The following FDX1 variants were observed in gnomAD, a reference collection of about 807,000 sequenced individuals.
FDX1 encodes the protein ferredoxin 1, also known as adrenodoxin, mitochondrial.
A neutral mutation model predicts 14.9 loss-of-function variants in FDX1; 9 were observed. The observed-to-expected ratio is 0.60, with a 90% confidence interval of 0.36 to 1.05. FDX1 has a LOEUF of 1.05. Among genes scored for constraint, FDX1 ranks in the 50% least tolerant of loss-of-function variants. FDX1 has a pLI of 0.01. For synonymous variants in FDX1, 92 were observed against 99.4 expected, an observed-to-expected ratio of 0.93 and a Z score of 0.44; for missense variants, 204 against 237.2, an observed-to-expected ratio of 0.86 and a Z score of 0.92.
intron 2 of FDX1, among the ~76,000 whole-genome samples, chr11:110,447,329 C>T (rs183619335): frequency 0.02 from 2,914 of 146,826 alleles, 41 homozygotes; most frequent in Non-Finnish European, 0.028. Flanking sequence ...TGGTGCATGC[C>T]TGTAATCCCA....
intron 3 of FDX1, among the ~76,000 whole-genome samples, chr11:110,461,496 TAAAAAAAAAA>T (rs59467093): frequency 9.4e-6 from 1 of 106,372 alleles, no homozygotes; most frequent in Non-Finnish European, 1.9e-5. Flanking sequence ...GACCCTGTCT[TAAAAAAAAAA>T]AAAAAAAAAA....
intron 1 of FDX1, among the ~76,000 whole-genome samples, chr11:110,431,730 T>C (rs920304634): frequency 6.6e-6 from 1 of 152,232 alleles, no homozygotes; most frequent in African/African-American, 2.4e-5. Flanking sequence ...TTGGGAGTTA[T>C]CTTTCTCAGA....
intron 2 of FDX1, among the ~76,000 whole-genome samples, chr11:110,442,980 G>C (rs1040348804): frequency 6.6e-6 from 1 of 152,226 alleles, no homozygotes; most frequent in Middle Eastern, 3.4e-3. Flanking sequence ...AAGGGGAGGG[G>C]GGTTCCCTGC....
intron 2 of FDX1, among the ~76,000 whole-genome samples, chr11:110,455,183 T>C (rs1384477758): frequency 6.6e-6 from 1 of 152,106 alleles, no homozygotes; most frequent in African/African-American, 2.4e-5. Flanking sequence ...GTTTTTGTAT[T>C]TTTAGTAGAG....
Position 110,430,324 on chromosome 11 carries a change from G to T in FDX1, c.185+19G>T. 1 of 1,186,602 alleles carries T rather than the reference G, an allele frequency of 8.4e-7. No homozygotes were observed. Among genetic ancestry groups the T allele is most frequent in the South Asian group, 4.2e-5 (1 of 23,930 alleles). 73.5% of individuals were successfully genotyped at this position (1,186,602 alleles called of 1,614,324 possible). A position where few individuals can be genotyped will look rare whatever the true frequency, so the allele number is the denominator to read the frequency against. The stretch of plus-strand genomic sequence containing the variant: ...GGAGCAGGTAGGGCGCCGTGCGGGC[G>T]CGATCGCCGGCGCGGGCCGGGGTCC... On this transcript the variant is annotated intron_variant, in intron 1 of 3. Coordinates refer to ENST00000260270, the MANE Select transcript of FDX1 (RefSeq NM_004109.5).
At chr11:110,455,860 G>A (rs1946518247) in intron 2 of FDX1, among the ~76,000 whole-genome samples, 1 of 152,166 alleles carries the variant, frequency 6.6e-6, no homozygotes, top group South Asian at 2.1e-4. Flanking sequence ...ACTTTAGCTT[G>A]GTAGAAGCCA....
intron 2 of FDX1, among the ~76,000 whole-genome samples, chr11:110,449,642 T>A (rs184004856): frequency 9.5e-4 from 145 of 152,294 alleles, no homozygotes; most frequent in South Asian, 2.9e-3. Context: ...TTTTATAATA[T>A]TTTGAGACAG....
chr11:110,452,611 G>A (rs187556761), intron 2 of FDX1, among the ~76,000 whole-genome samples: 88 of 151,260 alleles, frequency 5.8e-4, no homozygotes, highest in Admixed American at 1.8e-3. Flanking sequence ...AAAAAATGAG[G>A]CAAAGTTAAA....
rs1946524117 is a variant in FDX1 at position 110,456,630 on chromosome 11, C to A, written c.311-288C>A. ...CAAGTATTTCTTCTGCCTCAGCTTCCCTAGTAGCTGGGACTACAAGTGTGT... is the reference window on the plus strand; with the variant it reads ...CAAGTATTTCTTCTGCCTCAGCTTCACTAGTAGCTGGGACTACAAGTGTGT... On this transcript the variant is annotated intron_variant, in intron 2 of 3. Coordinates refer to ENST00000260270, the MANE Select transcript of FDX1 (RefSeq NM_004109.5). Among the ~76,000 whole-genome samples the A allele has an allele frequency of 2.0e-5, 3 of 151,010 alleles. No individual in the cohort carries two copies. In the South Asian group the frequency reaches 6.3e-4, roughly 32 times the overall value.
intron 1 of FDX1, among the ~76,000 whole-genome samples, chr11:110,433,693 A>G (rs1004525725): frequency 4.6e-5 from 7 of 152,178 alleles, no homozygotes; most frequent in Non-Finnish European, 4.4e-5. Context: ...TTTGGCTGTG[A>G]AAAGAAGTTG....
chr11:110,450,164 T>C (rs1946477362), intron 2 of FDX1, among the ~76,000 whole-genome samples: 1 of 152,142 alleles, frequency 6.6e-6, no homozygotes, highest in Non-Finnish European at 1.5e-5. Context: ...GCATTACATT[T>C]ATTGTGCACT....
In FDX1 at chr11:110,429,961, G is replaced by A; in HGVS notation, c.-160G>A. On this transcript the variant is annotated 5_prime_UTR_variant, in exon 1 of 4. Transcript: ENST00000260270. ...CACCCGGAAGGCACGCGGAACCTCG[G>A]CGCGGTGCTTCCAGCAGGGTCTCTC... 2 of 405,332 alleles carry A rather than the reference G, an allele frequency of 4.9e-6. No individual in the cohort carries two copies. Among genetic ancestry groups the A allele is most frequent in the Non-Finnish European group, 8.1e-6 (2 of 245,740 alleles). The allele number at this position is 405,332 out of a possible 1,614,324, so 25.1% of individuals were successfully genotyped here. A position where few individuals can be genotyped will look rare whatever the true frequency, so the allele number is the denominator to read the frequency against.
At chr11:110,436,297 C>T (rs759889474) in intron 2 of FDX1, among the ~76,000 whole-genome samples, 4 of 152,124 alleles carry the variant, frequency 2.6e-5, no homozygotes, top group Admixed American at 6.6e-5. Flanking sequence ...ACTTAAATAT[C>T]TTGAATGTCA....
intron 1 of FDX1, among the ~76,000 whole-genome samples, 190 bp downstream of exon 1, chr11:110,430,495 C>T (rs1159725756): frequency 1.3e-5 from 2 of 152,170 alleles, no homozygotes; most frequent in African/African-American, 4.8e-5. Context: ...GGCGTCGCTG[C>T]CTCCCTTCCG....
intron 2 of FDX1, among the ~76,000 whole-genome samples, chr11:110,447,930 CTGTT>C (rs1946462227): frequency 6.6e-6 from 1 of 152,134 alleles, no homozygotes; most frequent in Non-Finnish European, 1.5e-5. Context: ...AAAGTCATTC[CTGTT>C]TAATTCCTCA....
chr11:110,462,586 T>C lies in FDX1; in HGVS notation c.*118T>C. The C allele has an allele frequency of 2.1e-6, 1 of 468,444 alleles. No individual in the cohort carries two copies. The highest frequency in any genetic ancestry group is 3.7e-6 in the Non-Finnish European group (1 of 269,902). The allele number at this position is 468,444 out of a possible 1,614,324, so 29.0% of individuals were successfully genotyped here. On this transcript the variant is annotated 3_prime_UTR_variant, in exon 4 of 4. Transcript: ENST00000260270. ...CTTCATATTATGACTAGCTTTACTATTTTAATTCACCTTGCATAACTACTG... is the reference window on the plus strand; with the variant it reads ...CTTCATATTATGACTAGCTTTACTACTTTAATTCACCTTGCATAACTACTG...
At chr11:110,448,440 A>G (rs992416677) in intron 2 of FDX1, among the ~76,000 whole-genome samples, 1 of 152,210 alleles carries the variant, frequency 6.6e-6, no homozygotes, top group African/African-American at 2.4e-5. Context: ...GTGTCGGGGC[A>G]GGCAATTGTA....
rs970843653 is a variant in FDX1, at chr11:110,463,766, G to A, written c.*1298G>A. The A allele has an allele frequency of 6.6e-6, 1 of 152,196 alleles. No individual in the cohort carries two copies. The highest frequency in any genetic ancestry group is 1.5e-5 in the Non-Finnish European group (1 of 68,042). The allele number at this position is 152,196 out of a possible 1,614,324, so 9.4% of individuals were successfully genotyped here. A position where few individuals can be genotyped will look rare whatever the true frequency, so the allele number is the denominator to read the frequency against. On this transcript the variant is annotated 3_prime_UTR_variant, in exon 4 of 4. Coordinates refer to ENST00000260270, the MANE Select transcript of FDX1 (RefSeq NM_004109.5). ...CTTTTATTAGGAAAATATAAAATAT[G>A]TATGTATGTGCAGATAATTTGCTTG...
chr11:110,444,713 TATATATATAC>T, intron 2 of FDX1, among the ~76,000 whole-genome samples: 7 of 76,128 alleles, frequency 9.2e-5, no homozygotes, highest in African/African-American at 4.6e-4. Flanking sequence ...TACGTATATA[TATATATATAC>T]GTATATATAT....
Sources: allele counts gnomAD v4.1 joint callset (sites outside exome capture counted in the v4.1 genomes callset), GRCh38; gene constraint gnomAD v4.1.1; transcripts MANE v1.5; gene names NCBI Gene and HGNC (gene_info 2026-07-23, HGNC 2026-07-21).